ZDHHC14: variants seen among roughly 807,000 people sequenced by gnomAD.
The protein encoded by ZDHHC14 is palmitoyltransferase ZDHHC14.
A neutral mutation model predicts 47.7 loss-of-function variants in ZDHHC14; 16 were observed. The ratio of observed to expected loss-of-function variants is 0.34; its 90% CI spans 0.23 to 0.51. The LOEUF (loss-of-function observed/expected upper bound fraction) is 0.51, where lower values mean the gene tolerates loss of function less well. Among genes scored for constraint, ZDHHC14 ranks in the 20% least tolerant of loss-of-function variants. The pLI is 0.97. For synonymous variants in ZDHHC14, 293 were observed against 278.9 expected, an observed-to-expected ratio of 1.05 and a Z score of -0.50; for missense variants, 515 against 662.5, an observed-to-expected ratio of 0.78 and a Z score of 2.44.
rs2114892643 is a variant in ZDHHC14 at position 157,593,020 on chromosome 6, C to T, written c.439C>T (p.Arg147Cys). 2 of 1,614,048 alleles carry T rather than the reference C, an allele frequency of 1.2e-6. No individual in the cohort carries two copies. The highest frequency in any genetic ancestry group is 1.3e-5 in the African/African-American group (1 of 75,058). ...AAACGGCACCAGTTCAGGGGGGTAC[C>T]GCCCGCCTCCCAGAACCAAAGAAGT... The part of the protein sequence containing the change: ...IANGTSSGGY[R>C]PPPRTKEVII... Residue 147 changes from arginine (R) to cysteine (C), a missense_variant, in exon 3 of 9, where the codon CGC becomes TGC. Physicochemically the swap from Arg to Cys is radical, Grantham distance 180 (BLOSUM62 -3). This residue lies in a region of ZDHHC14 where 229 missense variants were observed against 351.5 expected (regional missense o/e 0.65). Coordinates refer to ENST00000359775, the MANE Select transcript of ZDHHC14 (RefSeq NM_024630.3).
intron 2 of ZDHHC14, among the ~76,000 whole-genome samples, chr6:157,570,378 C>T (rs9365129): frequency 0.19 from 28,539 of 152,234 alleles, 3,395 homozygotes; most frequent in East Asian, 0.51. Context: ...AATATTTACC[C>T]ATTTCTGACA....
chr6:157,597,396 G>A (rs777526824), intron 3 of ZDHHC14, among the ~76,000 whole-genome samples: 11 of 152,184 alleles, frequency 7.2e-5, no homozygotes, highest in Non-Finnish European at 1.5e-4. Context: ...CTAGTCCAGC[G>A]TCGGAATTGC....
intron 3 of ZDHHC14, among the ~76,000 whole-genome samples, chr6:157,596,378 C>G (rs559352195): frequency 1.3e-5 from 2 of 152,164 alleles, no homozygotes; most frequent in Non-Finnish European, 2.9e-5. Context: ...TACCTTGTAA[C>G]GAGCAGGTTT....
At chr6:157,425,606 A>T (rs1446934594) in intron 1 of ZDHHC14, among the ~76,000 whole-genome samples, 1 of 152,222 alleles carries the variant, frequency 6.6e-6, no homozygotes, top group Non-Finnish European at 1.5e-5. Context: ...GAAATTATCC[A>T]TCATTACTTC....
intron 1 of ZDHHC14, among the ~76,000 whole-genome samples, chr6:157,401,753 T>A (rs1777643920): frequency 6.8e-6 from 1 of 147,772 alleles, no homozygotes; most frequent in African/African-American, 2.5e-5. Context: ...CCTGCAGTAG[T>A]GAGATGCACA....
intron 1 of ZDHHC14, among the ~76,000 whole-genome samples, chr6:157,440,609 T>C (rs1405123050): frequency 6.6e-6 from 1 of 152,184 alleles, no homozygotes; most frequent in Non-Finnish European, 1.5e-5. Context: ...AACATGCACA[T>C]GTTCACAGCA....
rs889395190 is a variant in ZDHHC14, at chr6:157,463,271, G to C, written c.246-79314G>C. The stretch of plus-strand genomic sequence containing the variant: ...GTTTGGAACATGGCATAGAACAATT[G>C]AAATTGGTTTTTCAATAGAAACAAT... On this transcript the variant is annotated intron_variant, in intron 1 of 8. Transcript: ENST00000359775. The surrounding 1 kb of genome is among the most constrained non-coding windows in gnomAD (Gnocchi z 4.4). Among the ~76,000 whole-genome samples, 1 of 151,914 alleles carries C rather than the reference G, an allele frequency of 6.6e-6. No individual in the cohort carries two copies. The highest frequency in any genetic ancestry group is 6.6e-5 in the Admixed American group (1 of 15,242).
intron 8 of ZDHHC14, 114 bp from the exon 9 acceptor site, chr6:157,672,610 T>G: frequency 6.3e-6 from 7 of 1,119,302 alleles, no homozygotes; most frequent in South Asian, 1.6e-5. Context: ...CACTAACGGT[T>G]TCTCTCTTCT....
intron 1 of ZDHHC14, among the ~76,000 whole-genome samples, chr6:157,445,357 TAAAC>T (rs1383993507): frequency 2.0e-5 from 3 of 152,288 alleles, no homozygotes; most frequent in Middle Eastern, 3.4e-3. Context: ...TTATTAAAAA[TAAAC>T]AAAGCCAAGA....
rs1187775989 is a variant in ZDHHC14, at chr6:157,676,943, C to T, written c.*3821C>T. 1 of 152,214 alleles carries T rather than the reference C, an allele frequency of 6.6e-6. No individual in the cohort carries two copies. The highest frequency in any genetic ancestry group is 2.4e-5 in the African/African-American group (1 of 41,456). 9.4% of individuals were successfully genotyped at this position (152,214 alleles called of 1,614,324 possible). A position where few individuals can be genotyped will look rare whatever the true frequency, so the allele number is the denominator to read the frequency against. ...AATCTTCCCAGAAGGAGCTGCCCTT[C>T]ATCCATCCACAAGAATACATTGAGT... On this transcript the variant is annotated 3_prime_UTR_variant, in exon 9 of 9. Coordinates refer to ENST00000359775, the MANE Select transcript of ZDHHC14 (RefSeq NM_024630.3).
chr6:157,518,894 C>T (rs1283032767), intron 1 of ZDHHC14, among the ~76,000 whole-genome samples: 3 of 152,214 alleles, frequency 2.0e-5, no homozygotes, highest in Non-Finnish European at 2.9e-5. Flanking sequence ...ATCCTCTCTT[C>T]GTGTGGGGCA....
chr6:157,544,507 G>A (rs1781892360), intron 2 of ZDHHC14, among the ~76,000 whole-genome samples: 2 of 152,140 alleles, frequency 1.3e-5, no homozygotes, highest in South Asian at 2.1e-4. Context: ...AAATTGGCAG[G>A]GTGTGGTGGT....
intron 1 of ZDHHC14, among the ~76,000 whole-genome samples, chr6:157,491,268 A>G (rs753839328): frequency 2.0e-5 from 3 of 152,176 alleles, no homozygotes; most frequent in Non-Finnish European, 4.4e-5. Context: ...CTCAACACCT[A>G]TCCTTTCCCT....
In ZDHHC14 at chr6:157,645,205, G is replaced by A. The variant is rs567884583; in HGVS notation, c.753-532G>A. On this transcript the variant is annotated intron_variant, in intron 5 of 8. Coordinates refer to ENST00000359775, the MANE Select transcript of ZDHHC14 (RefSeq NM_024630.3). ...CTTCTCTGTAAGCAGAGAAGAGGCC[G>A]TCCACTAAAGCAGAGGGCTTTCTGG... Among the ~76,000 whole-genome samples the A allele has an allele frequency of 7.2e-5, 11 of 152,186 alleles. No individual in the cohort carries two copies. The East Asian group carries it at 7.7e-4, about 11-fold the overall frequency.
chr6:157,646,539 G>C (rs979123693), intron 6 of ZDHHC14: 1 of 150,834 alleles, frequency 6.6e-6, no homozygotes, highest in Non-Finnish European at 1.5e-5. Flanking sequence ...CTTGAACCCA[G>C]GAGGCAGAGG....
intron 2 of ZDHHC14, among the ~76,000 whole-genome samples, chr6:157,588,536 C>A (rs867483081): frequency 6.6e-6 from 1 of 152,148 alleles, no homozygotes; most frequent in South Asian, 2.1e-4. Context: ...TCATGACATG[C>A]GAATCATGGG....
intron 3 of ZDHHC14, among the ~76,000 whole-genome samples, chr6:157,624,724 C>A (rs1338725262): frequency 6.6e-6 from 1 of 152,162 alleles, no homozygotes; most frequent in Non-Finnish European, 1.5e-5. Flanking sequence ...CTGCAGATGT[C>A]CTTTTGATAA....
chr6:157,664,834 A>G (rs1285006717), intron 8 of ZDHHC14, among the ~76,000 whole-genome samples: 6 of 152,156 alleles, frequency 3.9e-5, no homozygotes, highest in Non-Finnish European at 8.8e-5. Context: ...CTCACCCTGC[A>G]CATGCCCAGC....
At position 157,521,574 on chromosome 6, in the gene ZDHHC14, G is replaced by A. The variant is rs571628347; in HGVS notation, c.246-21011G>A. Among the ~76,000 whole-genome samples the A allele has an allele frequency of 2.7e-4, 41 of 152,286 alleles. 1 individual carries two copies. Among genetic ancestry groups the A allele is most frequent in the African/African-American group, 9.1e-4 (38 of 41,552 alleles). The stretch of plus-strand genomic sequence containing the variant: ...GCTGTGCCCTCACATGGTGGGAGAG[G>A]CCAGGCAGCTCTTTGGGGCCTCTTT... On this transcript the variant is annotated intron_variant, in intron 1 of 8. Coordinates refer to ENST00000359775, the MANE Select transcript of ZDHHC14 (RefSeq NM_024630.3).
Sources: allele counts gnomAD v4.1 joint callset (sites outside exome capture counted in the v4.1 genomes callset), GRCh38; gene constraint gnomAD v4.1.1; regional missense constraint gnomAD v4.1.1; non-coding constraint Gnocchi (gnomAD v3.1); transcripts MANE v1.5; gene names NCBI Gene and HGNC (gene_info 2026-07-23, HGNC 2026-07-21).